ACMSD: variants seen among roughly 807,000 people sequenced by gnomAD.
The protein encoded by ACMSD is aminocarboxymuconate semialdehyde decarboxylase, also known as 2-amino-3-carboxymuconate-6-semialdehyde decarboxylase.
A neutral mutation model predicts 45.9 loss-of-function variants in ACMSD; 37 were observed. That is an observed-to-expected ratio of 0.81 (90% CI 0.62 to 1.06). ACMSD has a LOEUF of 1.06. ACMSD is among the 50% of genes least tolerant of loss of function. The pLI, the probability that ACMSD is intolerant of heterozygous loss-of-function variation, is 0.00. For missense variants in ACMSD, 434 were observed against 420.9 expected (o/e 1.03, Z -0.27); for synonymous variants, 138 against 148.8 (o/e 0.93, Z 0.53).
In ACMSD at chr2:134,848,182, A is replaced by T. The variant is rs189023336; in HGVS notation, c.102+2905A>T. Among the ~76,000 whole-genome samples, 632 of 152,270 alleles carry T rather than the reference A, an allele frequency of 4.2e-3. 7 individuals carry two copies. The highest frequency in any genetic ancestry group is 0.014 in the African/African-American group (585 of 41,562). ...ATTTTCTTTATCCAGTCTATCATCGATGGGCATTTGGGTTGGTTCCAAGTC... is the reference window on the plus strand; with the variant it reads ...ATTTTCTTTATCCAGTCTATCATCGTTGGGCATTTGGGTTGGTTCCAAGTC... On this transcript the variant is annotated intron_variant, in intron 2 of 9. Transcript: ENST00000356140.
intron 2 of ACMSD, among the ~76,000 whole-genome samples, chr2:134,847,276 G>A (rs1687093595): frequency 6.6e-6 from 1 of 152,058 alleles, no homozygotes; most frequent in African/African-American, 2.4e-5. Flanking sequence ...TGGAGAGGAA[G>A]CCAGAAACCT....
chr2:134,867,765 G>A (rs1688177787), intron 6 of ACMSD, 93 bp downstream of exon 6: 1 of 1,017,180 alleles, frequency 9.8e-7, no homozygotes, highest in South Asian at 1.6e-5. Flanking sequence ...GGGAAAGTAT[G>A]AATAATTAAC....
In ACMSD at chr2:134,838,629, AG is replaced by A; in HGVS notation, c.-52del. Reference sequence around the variant, plus strand: ...TCAATTAACTCCACAGTTTTCACAAAGGTCTCTTGATATCAAAACTTCTTTC... The same window carrying A: ...TCAATTAACTCCACAGTTTTCACAAAGTCTCTTGATATCAAAACTTCTTTC... On this transcript the variant is annotated 5_prime_UTR_variant, in exon 1 of 10. Transcript: ENST00000356140. 1 of 1,480,046 alleles carries A rather than the reference AG, an allele frequency of 6.8e-7. No homozygotes were observed. Among genetic ancestry groups the A allele is most frequent in the East Asian group, 2.3e-5 (1 of 44,066 alleles). The allele number at this position is 1,480,046 out of a possible 1,614,324, so 91.7% of individuals were successfully genotyped here.
At chr2:134,898,010 C>A (rs1230813975) in intron 8 of ACMSD, among the ~76,000 whole-genome samples, 1 of 149,992 alleles carries the variant, frequency 6.7e-6, no homozygotes, top group African/African-American at 2.4e-5. Flanking sequence ...AGACAGAATC[C>A]CTTAATTTCA....
Position 134,881,149 on chromosome 2 carries a change from AGC to A in ACMSD, c.849+8509_849+8510del, listed in dbSNP as rs1242048428. ...CTGAGTAGCTGGGATTACAGGCATG[AGC>A]CAGAACACCTGGCTAATTTTTGCAT... is the stretch of plus-strand genomic sequence containing the variant. On this transcript the variant is annotated intron_variant, in intron 8 of 9. Transcript: ENST00000356140. Among the ~76,000 whole-genome samples the A allele has an allele frequency of 1.1e-4, 17 of 152,222 alleles. No homozygotes were observed. In the Middle Eastern group the frequency reaches 0.014, roughly 122 times the overall value.
intron 9 of ACMSD, among the ~76,000 whole-genome samples, chr2:134,899,772 A>C (rs1439572475): frequency 6.6e-6 from 1 of 152,160 alleles, no homozygotes; most frequent in African/African-American, 2.4e-5. Flanking sequence ...AATAAATCAT[A>C]ATATATCCAC....
chr2:134,885,314 T>TGTAA (rs1689304594), intron 8 of ACMSD, among the ~76,000 whole-genome samples: 4 of 103,520 alleles, frequency 3.9e-5, no homozygotes, highest in East Asian at 5.6e-4. Flanking sequence ...TAAATATATA[T>TGTAA]ATATAAATAT....
intron 5 of ACMSD, 49 bp downstream of exon 5, chr2:134,863,680 C>T (rs770486991): frequency 1.4e-5 from 22 of 1,583,072 alleles, no homozygotes; most frequent in African/African-American, 2.7e-5. Context: ...GTGCCTGGGC[C>T]GGGGGCACCG....
intron 8 of ACMSD, among the ~76,000 whole-genome samples, chr2:134,892,756 G>T (rs1689870899): frequency 6.6e-6 from 1 of 152,144 alleles, no homozygotes; most frequent in Non-Finnish European, 1.5e-5. Context: ...GAATGAAGGT[G>T]GATCAAGGTG....
chr2:134,845,303 T>A (rs977787715), intron 2 of ACMSD, 26 bp downstream of exon 2: 1 of 1,613,898 alleles, frequency 6.2e-7, no homozygotes, highest in Non-Finnish European at 8.5e-7. Context: ...AGTATGAACA[T>A]CAGTAGCACT....
At chr2:134,861,042 T>C (rs1687828412) in intron 3 of ACMSD, among the ~76,000 whole-genome samples, 1 of 151,966 alleles carries the variant, frequency 6.6e-6, no homozygotes, top group African/African-American at 2.4e-5. Context: ...AAAAATTTTT[T>C]AATTAAAAAT....
chr2:134,855,628 G>A (rs1687547089), intron 2 of ACMSD, among the ~76,000 whole-genome samples: 1 of 152,206 alleles, frequency 6.6e-6, no homozygotes, highest in African/African-American at 2.4e-5. Context: ...CAATCTTGGT[G>A]TCCTGATGTC....
chr2:134,871,680 CAG>C (rs58792254), intron 7 of ACMSD, among the ~76,000 whole-genome samples: 3,003 of 145,720 alleles, frequency 0.021, 96 homozygotes, highest in African/African-American at 0.072. Flanking sequence ...CTTCAACAGA[CAG>C]ACACACACAC....
At position 134,871,029 on chromosome 2, in the gene ACMSD, T is replaced by G; in HGVS notation, c.645T>G (p.Phe215Leu). ...TCATGGGTGGAGTATTTGAGAAGTT[T>G]CCCAAACTGAAAGTGTGTTTCGCAC... ...SMIMGGVFEK[F>L]PKLKVCFAHG... is the part of the protein sequence containing the mutation. The change falls in exon 7 of 10, where the codon TTT becomes TTG. Residue 215 changes from phenylalanine to leucine, a missense_variant. Physicochemically the swap from Phe to Leu is conservative, Grantham distance 22 (BLOSUM62 0). Transcript: ENST00000356140. 6.2e-7 allele frequency: 1 copy of G among 1,614,122 alleles called. No individual in the cohort carries two copies. The highest frequency in any genetic ancestry group is 8.5e-7 in the Non-Finnish European group (1 of 1,180,008).
intron 8 of ACMSD, among the ~76,000 whole-genome samples, chr2:134,879,140 G>A (rs755644537): frequency 1.3e-5 from 2 of 152,190 alleles, no homozygotes; most frequent in Non-Finnish European, 2.9e-5. Context: ...TGCTATAGGA[G>A]AGGCTGGAAA....
intron 8 of ACMSD, among the ~76,000 whole-genome samples, chr2:134,878,385 G>A (rs896921807): frequency 1.7e-4 from 26 of 152,162 alleles, no homozygotes; most frequent in East Asian, 1.9e-4. Flanking sequence ...GGAGTGCAGC[G>A]GCACCATCTC....
Position 134,859,365 on chromosome 2 carries a change from G to A in ACMSD, c.199+8G>A, listed in dbSNP as rs952243793. On this transcript the variant is annotated splice_region_variant and intron_variant, in intron 3 of 9. Transcript: ENST00000356140. ...GAGAAATGGACCAAAAAGGTACGAT[G>A]AGAAGTGCTACCAATGTTAGCATCT... 2 of 1,612,892 alleles carry A rather than the reference G, an allele frequency of 1.2e-6. No individual in the cohort carries two copies. The highest frequency in any genetic ancestry group is 2.2e-5 in the East Asian group (1 of 44,878).
intron 8 of ACMSD, among the ~76,000 whole-genome samples, chr2:134,881,985 A>T (rs1283116278): frequency 6.6e-6 from 1 of 152,068 alleles, no homozygotes; most frequent in African/African-American, 2.4e-5. Context: ...AGGCGTGGTG[A>T]CGGGCACCTG....
intron 2 of ACMSD, among the ~76,000 whole-genome samples, chr2:134,848,242 G>A (rs921680395): frequency 3.3e-5 from 5 of 152,170 alleles, no homozygotes; most frequent in South Asian, 4.1e-4. Context: ...GTAAACATAC[G>A]TGTGCATGTG....
Sources: allele counts gnomAD v4.1 joint callset (sites outside exome capture counted in the v4.1 genomes callset), GRCh38; gene constraint gnomAD v4.1.1; transcripts MANE v1.5; gene names NCBI Gene and HGNC (gene_info 2026-07-23, HGNC 2026-07-21).